Variants in STPG2 observed in about 807,000 individuals in gnomAD.
STPG2 encodes the protein sperm-tail PG-rich repeat-containing protein 2.
STPG2 carries 56 observed loss-of-function variants against 54.2 expected under a neutral mutation model. That is an observed-to-expected ratio of 1.03 (90% confidence interval 0.83 to 1.29). STPG2 has a LOEUF of 1.29. STPG2 is among the 50% of genes most tolerant of loss of function. The pLI, the probability that STPG2 is intolerant of heterozygous loss-of-function variation, is 0.00. For missense variants in STPG2, 596 were observed against 544.9 expected (o/e 1.09, Z -0.93); for synonymous variants, 200 against 181.8 (o/e 1.10, Z -0.81).
chr4:97,563,843 A>G (rs1258294619), intron 10 of STPG2, among the ~76,000 whole-genome samples: 1 of 152,138 alleles, frequency 6.6e-6, no homozygotes, highest in African/African-American at 2.4e-5. Context: ...TTTGCTGAGG[A>G]GAGCTTTACT....
chr4:97,863,599 G>A lies in STPG2; in HGVS notation c.1045-22667C>T, dbSNP rs567180764. ...GGGAATCCTCCCTAACTCATTTTAT[G>A]AGGCCAGCATCATCCCGACACCAAA... On this transcript the variant is annotated intron_variant, in intron 8 of 10. Transcript: ENST00000295268. Among the ~76,000 whole-genome samples, 3 of 152,296 alleles carry A rather than the reference G, an allele frequency of 2.0e-5. No homozygotes were observed. In the East Asian group the frequency reaches 5.8e-4, roughly 29 times the overall value.
intron 9 of STPG2, among the ~76,000 whole-genome samples, chr4:97,734,349 C>A (rs1724901905): frequency 6.6e-6 from 1 of 152,104 alleles, no homozygotes; most frequent in African/African-American, 2.4e-5. Context: ...GCTTGTTACA[C>A]ACACTATTTT....
At chr4:97,551,031 G>A (rs891103030) in intron 4 of STPG2, among the ~76,000 whole-genome samples, 25 of 144,266 alleles carry the variant, frequency 1.7e-4, no homozygotes, top group Admixed American at 1.0e-3. Flanking sequence ...TTGGGTTGCC[G>A]CTGTGGGCTC....
chr4:97,864,188 T>C (rs903650789), intron 8 of STPG2, among the ~76,000 whole-genome samples: 4 of 152,156 alleles, frequency 2.6e-5, no homozygotes, highest in African/African-American at 7.2e-5. Flanking sequence ...TTATTGTATA[T>C]CTAGAAAACC....
intron 5 of STPG2, among the ~76,000 whole-genome samples, chr4:98,012,486 G>A (rs1735789176): frequency 6.6e-6 from 1 of 152,176 alleles, no homozygotes; most frequent in African/African-American, 2.4e-5. Flanking sequence ...AATCTGTGAA[G>A]AATGTCAATG....
At chr4:97,762,038 C>T (rs1320439826) in intron 9 of STPG2, among the ~76,000 whole-genome samples, 2 of 152,130 alleles carry the variant, frequency 1.3e-5, no homozygotes, top group African/African-American at 4.8e-5. Context: ...TCTATGCCAG[C>T]TCAGTGTCCT....
At chr4:97,845,117 TG>T (rs766108296) in intron 8 of STPG2, among the ~76,000 whole-genome samples, 5 of 151,914 alleles carry the variant, frequency 3.3e-5, no homozygotes, top group Non-Finnish European at 7.4e-5. Context: ...ATTAATTCTT[TG>T]AAAAAAAATT....
At chr4:97,745,298 T>C (rs1347279500) in intron 9 of STPG2, among the ~76,000 whole-genome samples, 1 of 146,362 alleles carries the variant, frequency 6.8e-6, no homozygotes, top group Non-Finnish European at 1.5e-5. Context: ...GTGCCCTAAA[T>C]TGGTCCAATA....
chr4:97,711,882 C>G (rs965662382), intron 10 of STPG2, among the ~76,000 whole-genome samples: 3 of 151,842 alleles, frequency 2.0e-5, no homozygotes, highest in Admixed American at 2.0e-4. Context: ...GTTGGCCAGG[C>G]TGGTCTCAAA....
At chr4:97,775,930 T>G (rs1038247326) in intron 9 of STPG2, among the ~76,000 whole-genome samples, 40 of 152,132 alleles carry the variant, frequency 2.6e-4, no homozygotes, top group Non-Finnish European at 4.7e-4. Context: ...CCTAGCTAAT[T>G]TTTGTATTTT....
At chr4:97,873,614 A>C (rs890933139) in intron 8 of STPG2, among the ~76,000 whole-genome samples, 1 of 151,510 alleles carries the variant, frequency 6.6e-6, no homozygotes, top group South Asian at 2.1e-4. Flanking sequence ...CAACATGTCA[A>C]TGTGTCATGC....
intron 4 of STPG2, among the ~76,000 whole-genome samples, chr4:97,479,357 A>T (rs1730162340): frequency 6.6e-6 from 1 of 152,000 alleles, no homozygotes; most frequent in Admixed American, 6.5e-5. Context: ...ACTTAGCATG[A>T]CAACCTTATT....
intron 5 of STPG2, among the ~76,000 whole-genome samples, chr4:98,029,004 T>C (rs887630887): frequency 6.6e-6 from 1 of 152,156 alleles, no homozygotes; most frequent in African/African-American, 2.4e-5. Flanking sequence ...CAGACATTTT[T>C]CTGTGATTTA....
intron 10 of STPG2, among the ~76,000 whole-genome samples, chr4:97,649,269 T>A (rs1721998531): frequency 6.6e-6 from 1 of 152,144 alleles, no homozygotes; most frequent in Non-Finnish European, 1.5e-5. Flanking sequence ...AGAGTCCAGG[T>A]TAAATGCTTC....
chr4:97,804,030 A>G (rs188499537), intron 9 of STPG2, among the ~76,000 whole-genome samples: 37 of 152,336 alleles, frequency 2.4e-4, no homozygotes, highest in African/African-American at 8.4e-4. Context: ...TCCTATCTGT[A>G]GCAGTTATCT....
intron 9 of STPG2, among the ~76,000 whole-genome samples, chr4:97,797,340 T>C (rs1727228969): frequency 6.6e-6 from 1 of 152,244 alleles, no homozygotes; most frequent in South Asian, 2.1e-4. Flanking sequence ...TAAATAGCTC[T>C]TATTATTTTG....
rs561888445 is a variant in STPG2, at chr4:97,549,364, C to T, written c.462+163335G>A. Among the ~76,000 whole-genome samples the T allele has an allele frequency of 5.3e-5, 8 of 152,226 alleles. No homozygotes were observed. The South Asian group carries it at 1.7e-3, about 32-fold the overall frequency. On this transcript the variant is annotated intron_variant, in intron 4 of 4. Coordinates refer to the STPG2 transcript ENST00000522676. Reference sequence around the variant, plus strand: ...TCTGACTTGCTCAAAATTAGTTTCACTATATCTAAGTCTTTCACTTTCATA... The same window carrying T: ...TCTGACTTGCTCAAAATTAGTTTCATTATATCTAAGTCTTTCACTTTCATA...
rs141334863 is a variant in STPG2 at position 98,048,476 on chromosome 4, G to T, written c.612+57477C>A. ...ACATAAAAAATTTTGAGAGATCTTGGTGGGTTCCCTGCTGCAGTGCTCATC... is the reference window on the plus strand; with the variant it reads ...ACATAAAAAATTTTGAGAGATCTTGTTGGGTTCCCTGCTGCAGTGCTCATC... On this transcript the variant is annotated intron_variant, in intron 5 of 10. Transcript: ENST00000295268. 5.0e-3 allele frequency: 768 copies of T among 153,104 alleles called. 8 individuals carry two copies. The highest frequency in any genetic ancestry group is 0.018 in the African/African-American group (736 of 41,614). 9.5% of individuals were successfully genotyped at this position (153,104 alleles called of 1,614,324 possible). A position where few individuals can be genotyped will look rare whatever the true frequency, so the allele number is the denominator to read the frequency against.
At chr4:97,800,046 G>A (rs113961486) in intron 9 of STPG2, among the ~76,000 whole-genome samples, 2,803 of 152,226 alleles carry the variant, frequency 0.018, 78 homozygotes, top group African/African-American at 0.064. Context: ...GTCATTTAAG[G>A]ACTTCTCTAC....
Sources: gnomAD v4.1 joint callset for allele counts (sites outside exome capture counted in the v4.1 genomes callset) on GRCh38, gnomAD v4.1.1 for gene constraint, MANE v1.5 for transcripts, NCBI Gene and HGNC (gene_info 2026-07-23, HGNC 2026-07-21) for gene names.